The following RPS6KA6 variants were observed in gnomAD, a reference collection of about 807,000 sequenced individuals.
RPS6KA6 encodes the protein ribosomal protein S6 kinase A6, also known as ribosomal protein S6 kinase alpha-6.
A neutral mutation model predicts 65.4 loss-of-function variants in RPS6KA6; 27 were observed. The ratio of observed to expected loss-of-function variants is 0.41; its 90% confidence interval spans 0.30 to 0.57. The LOEUF is 0.57. Among genes scored for constraint, RPS6KA6 ranks in the 20% least tolerant of loss-of-function variants. The pLI is 0.24. For missense variants in RPS6KA6, 486 were observed against 555.6 expected, an observed-to-expected ratio of 0.87 and a Z score of 1.26; for synonymous variants, 190 against 184.2, an observed-to-expected ratio of 1.03 and a Z score of -0.26.
chrX:84,064,949 C>A (rs377421367), intron 21 of RPS6KA6, 22 bp downstream of exon 21: 17 of 1,187,796 alleles, frequency 1.4e-5, no homozygotes, highest in Non-Finnish European at 1.8e-5. Flanking sequence ...CTCGAAGGCA[C>A]ATAAAAGTAT....
intron 5 of RPS6KA6, among the ~76,000 whole-genome samples, chrX:84,145,852 C>A (rs963816565): frequency 9.0e-6 from 1 of 111,194 alleles, no homozygotes; most frequent in Non-Finnish European, 1.9e-5. Context: ...ATCAAACCTA[C>A]TGAAAATCTA....
intron 12 of RPS6KA6, among the ~76,000 whole-genome samples, chrX:84,110,595 A>C (rs1232556520): frequency 8.9e-6 from 1 of 112,004 alleles, no homozygotes; most frequent in African/African-American, 3.3e-5. Context: ...TAAAAACCTG[A>C]CTAAGAAGTG....
intron 20 of RPS6KA6, among the ~76,000 whole-genome samples, chrX:84,088,842 G>A (rs2033985182): frequency 8.9e-6 from 1 of 112,139 alleles, no homozygotes; most frequent in Non-Finnish European, 1.9e-5. Flanking sequence ...ATTCCCATAG[G>A]GAGGCCCCGC....
At chrX:84,128,326 T>A (rs771367744) in intron 8 of RPS6KA6, among the ~76,000 whole-genome samples, 125 of 111,024 alleles carry the variant, frequency 1.1e-3, no homozygotes, top group African/African-American at 3.9e-3. Context: ...TAAAAAGGAA[T>A]GTACTAAAAT....
At chrX:84,147,750 A>G (rs1027053464) in intron 4 of RPS6KA6, among the ~76,000 whole-genome samples, 3 of 112,306 alleles carry the variant, frequency 2.7e-5, no homozygotes, top group African/African-American at 9.7e-5. Context: ...ATAGAAAAGG[A>G]AAAACCAAGA....
rs1292861169 is a variant in RPS6KA6 at position 84,063,446 on chromosome X, T to C, written c.*831A>G. ...GTCAGTTTATATAACACCAGGATAG[T>C]GTCAACACCACATACTTCATTTTCA... On this transcript the variant is annotated 3_prime_UTR_variant, in exon 22 of 22. Transcript: ENST00000262752. 1.8e-5 allele frequency: 2 copies of C among 111,326 alleles called. No homozygotes were observed. The highest frequency in any genetic ancestry group is 3.8e-5 in the Non-Finnish European group (2 of 52,937). 9.2% of individuals were successfully genotyped at this position (111,326 alleles called of 1,213,427 possible).
Position 84,062,876 on chromosome X carries a change from C to T in RPS6KA6, c.*1401G>A, listed in dbSNP as rs915589273. The T allele has an allele frequency of 9.0e-6, 1 of 110,710 alleles. No homozygotes were observed. Among genetic ancestry groups the T allele is most frequent in the African/African-American group, 3.3e-5 (1 of 30,528 alleles). 9.1% of individuals were successfully genotyped at this position (110,710 alleles called of 1,213,427 possible). On this transcript the variant is annotated 3_prime_UTR_variant, in exon 22 of 22. Transcript: ENST00000262752. ...GTTCACTTATATTCACTAAAGAAAA[C>T]TGTGATATCCTCCAGTTTACATTCA...
At chrX:84,071,084 T>C (rs1367933020) in intron 20 of RPS6KA6, among the ~76,000 whole-genome samples, 1 of 111,291 alleles carries the variant, frequency 9.0e-6, no homozygotes, top group Non-Finnish European at 1.9e-5. Flanking sequence ...TAAGGGAAAC[T>C]CAGGTGAAGC....
chrX:84,105,946 T>C, intron 15 of RPS6KA6, 70 bp from the exon 16 acceptor site: 1 of 573,755 alleles, frequency 1.7e-6, no homozygotes. Flanking sequence ...GTATTTTCCA[T>C]TTGGTTATAT....
intron 20 of RPS6KA6, among the ~76,000 whole-genome samples, chrX:84,085,073 G>C (rs1345613668): frequency 8.9e-6 from 1 of 111,959 alleles, no homozygotes; most frequent in Non-Finnish European, 1.9e-5. Flanking sequence ...GAGATTTGCT[G>C]AAGTTGCATC....
intron 1 of RPS6KA6, among the ~76,000 whole-genome samples, chrX:84,175,809 T>A (rs1298239731): frequency 8.9e-6 from 1 of 111,749 alleles, no homozygotes; most frequent in Non-Finnish European, 1.9e-5. Flanking sequence ...TATGGAAAAA[T>A]GCGTAAATAC....
intron 20 of RPS6KA6, among the ~76,000 whole-genome samples, chrX:84,085,068 T>C (rs1052940756): frequency 2.7e-5 from 3 of 111,984 alleles, no homozygotes; most frequent in Non-Finnish European, 5.6e-5. Flanking sequence ...ATCCTGAGAT[T>C]TGCTGAAGTT....
At chrX:84,163,744 G>T (rs752349564) in intron 2 of RPS6KA6, among the ~76,000 whole-genome samples, 54 of 109,840 alleles carry the variant, frequency 4.9e-4, no homozygotes, top group Non-Finnish European at 9.7e-4. Flanking sequence ...GATTTAGTCA[G>T]ATTCTCCCTA....
At chrX:84,172,336 C>T (rs2035698439) in intron 1 of RPS6KA6, among the ~76,000 whole-genome samples, 1 of 111,789 alleles carries the variant, frequency 8.9e-6, no homozygotes, top group Non-Finnish European at 1.9e-5. Context: ...TTTCATATTC[C>T]TTTAACAATC....
chrX:84,076,538 TAAAG>T (rs1335908023), intron 20 of RPS6KA6, among the ~76,000 whole-genome samples: 1 of 111,774 alleles, frequency 8.9e-6, no homozygotes, highest in East Asian at 2.8e-4. Flanking sequence ...GTAACAACAA[TAAAG>T]AAAATCATGT....
intron 1 of RPS6KA6, among the ~76,000 whole-genome samples, chrX:84,167,781 AGT>A (rs894730380): frequency 4.5e-5 from 5 of 110,449 alleles, no homozygotes; most frequent in African/African-American, 1.3e-4. Context: ...ACATGGGAAG[AGT>A]GTGTGTATGT....
chrX:84,144,116 T>G (rs2035154957), intron 6 of RPS6KA6, among the ~76,000 whole-genome samples: 2 of 111,132 alleles, frequency 1.8e-5, no homozygotes, highest in Admixed American at 9.6e-5. Context: ...TAGCTGTGAT[T>G]AGGCAGATAT....
intron 3 of RPS6KA6, among the ~76,000 whole-genome samples, chrX:84,150,969 T>C (rs892708586): frequency 4.2e-5 from 4 of 94,325 alleles, no homozygotes; most frequent in African/African-American, 1.5e-4. Flanking sequence ...ATATAGAGGA[T>C]ATATATAGGA....
intron 20 of RPS6KA6, among the ~76,000 whole-genome samples, chrX:84,086,841 T>C (rs1169386483): frequency 2.7e-5 from 3 of 111,944 alleles, no homozygotes; most frequent in Non-Finnish European, 5.6e-5. Context: ...TGAATCTGGA[T>C]GCTCCTTTAT....
Sources: allele counts gnomAD v4.1 joint callset (sites outside exome capture counted in the v4.1 genomes callset), GRCh38; gene constraint gnomAD v4.1.1; transcripts MANE v1.5; gene names NCBI Gene and HGNC (gene_info 2026-07-23, HGNC 2026-07-21).